CHSY1: variants seen among roughly 807,000 people sequenced by gnomAD.
The protein encoded by CHSY1 is N-acetylgalactosaminyl-proteoglycan 3-beta-glucuronosyltransferase 1.
Under a neutral mutation model 59.8 loss-of-function variants are expected in CHSY1, and 13 were observed. The ratio of observed to expected loss-of-function variants is 0.22; its 90% confidence interval spans 0.14 to 0.35. CHSY1 has a LOEUF of 0.35. Ranked by LOEUF, CHSY1 falls within the 10% of genes least tolerant of loss-of-function variation. The pLI, the probability that CHSY1 is intolerant of heterozygous loss-of-function variation, is 1.00. For missense variants in CHSY1, 947 were observed against 1,030.6 expected (o/e 0.92, Z 1.11); for synonymous variants, 459 against 401.2 (o/e 1.14, Z -1.72).
chr15:101,213,366 C>T (rs2141262105), intron 2 of CHSY1, among the ~76,000 whole-genome samples: 1 of 141,690 alleles, frequency 7.1e-6, no homozygotes, highest in East Asian at 2.7e-4. Context: ...ATCTCTAGAG[C>T]TTACCATTAG....
intron 2 of CHSY1, among the ~76,000 whole-genome samples, chr15:101,225,674 A>G (rs1445140797): frequency 6.6e-6 from 1 of 152,158 alleles, no homozygotes; most frequent in Non-Finnish European, 1.5e-5. Flanking sequence ...ACCATGAGTA[A>G]AAGCTCCCTG....
chr15:101,208,321 A>T (rs1412846076), intron 2 of CHSY1, among the ~76,000 whole-genome samples: 1 of 152,190 alleles, frequency 6.6e-6, no homozygotes, highest in African/African-American at 2.4e-5. Flanking sequence ...TCTTCGAGAG[A>T]TGGCAGACTG....
chr15:101,176,157 C>T lies in CHSY1; in HGVS notation c.*1231G>A, dbSNP rs2038185084. ...CTGCAAATAAAACAGACTAAACACA[C>T]TCCCGATACACATAAATAATACTAA... On this transcript the variant is annotated 3_prime_UTR_variant, in exon 3 of 3. Coordinates refer to ENST00000254190, the MANE Select transcript of CHSY1 (RefSeq NM_014918.5). 2.5e-6 allele frequency: 1 copy of T among 398,104 alleles called. No homozygotes were observed. Among genetic ancestry groups the T allele is most frequent in the African/African-American group, 2.1e-5 (1 of 48,746 alleles). 24.7% of individuals were successfully genotyped at this position (398,104 alleles called of 1,614,324 possible).
intron 2 of CHSY1, among the ~76,000 whole-genome samples, chr15:101,220,196 A>G (rs2141266036): frequency 6.6e-6 from 1 of 152,254 alleles, no homozygotes. Context: ...ACGTAAATCA[A>G]AGTTTCCTCC....
chr15:101,212,077 T>C (rs935031858), intron 2 of CHSY1, among the ~76,000 whole-genome samples: 4 of 152,126 alleles, frequency 2.6e-5, no homozygotes, highest in Admixed American at 2.0e-4. Flanking sequence ...TCACTAGTCA[T>C]AGGGAAAACG....
intron 2 of CHSY1, among the ~76,000 whole-genome samples, chr15:101,223,443 ATATCT>A (rs2038810327): frequency 6.6e-6 from 1 of 152,282 alleles, no homozygotes; most frequent in Non-Finnish European, 1.5e-5. Context: ...ATGCTTTAAA[ATATCT>A]TATAGTTTTA....
At chr15:101,224,259 A>G (rs1233798156) in intron 2 of CHSY1, among the ~76,000 whole-genome samples, 2 of 152,252 alleles carry the variant, frequency 1.3e-5, no homozygotes, top group Admixed American at 6.5e-5. Context: ...ACTCATTGCC[A>G]GTAACATGGC....
intron 2 of CHSY1, among the ~76,000 whole-genome samples, chr15:101,231,940 T>A (rs1180930125): frequency 1.3e-5 from 2 of 152,216 alleles, no homozygotes. Context: ...TCCTCCCAGC[T>A]CTTCCCCAGC....
intron 2 of CHSY1, among the ~76,000 whole-genome samples, chr15:101,193,781 G>A (rs1336090039): frequency 1.3e-5 from 2 of 152,190 alleles, no homozygotes; most frequent in East Asian, 3.9e-4. Flanking sequence ...AGGAAGACAC[G>A]CTGGGGATAG....
At chr15:101,197,898 C>T (rs1245112992) in intron 2 of CHSY1, among the ~76,000 whole-genome samples, 1 of 152,060 alleles carries the variant, frequency 6.6e-6, no homozygotes, top group Non-Finnish European at 1.5e-5. Flanking sequence ...ATTTGGACGC[C>T]TTATATCTGA....
intron 2 of CHSY1, among the ~76,000 whole-genome samples, chr15:101,196,053 A>T (rs973733511): frequency 2.0e-5 from 3 of 152,094 alleles, no homozygotes; most frequent in African/African-American, 7.2e-5. Context: ...GTTCGAGATC[A>T]GCTTGGCTAA....
At chr15:101,193,688 G>A (rs1354592096) in intron 2 of CHSY1, among the ~76,000 whole-genome samples, 1 of 152,194 alleles carries the variant, frequency 6.6e-6, no homozygotes, top group Admixed American at 6.5e-5. Flanking sequence ...CCCAAATTTG[G>A]GTCAGATAAT....
intron 1 of CHSY1, among the ~76,000 whole-genome samples, chr15:101,236,222 G>A (rs1452542942): frequency 6.6e-6 from 1 of 152,178 alleles, no homozygotes; most frequent in Non-Finnish European, 1.5e-5. Flanking sequence ...CTGTCATGAG[G>A]CGAGGAAGAA....
intron 2 of CHSY1, among the ~76,000 whole-genome samples, chr15:101,228,313 C>T (rs1350887936): frequency 6.6e-6 from 1 of 151,868 alleles, no homozygotes; most frequent in African/African-American, 2.4e-5. Flanking sequence ...GGCAGAAATA[C>T]TCAAGAAATA....
In CHSY1 at chr15:101,251,666, G is replaced by T. The variant is rs952520142; in HGVS notation, c.-210C>A. The T allele has an allele frequency of 1.4e-5, 2 of 147,168 alleles. No individual in the cohort carries two copies. The highest frequency in any genetic ancestry group is 1.3e-4 in the Admixed American group (2 of 14,834). The allele number at this position is 147,168 out of a possible 1,614,324, so 9.1% of individuals were successfully genotyped here. A position where few individuals can be genotyped will look rare whatever the true frequency, so the allele number is the denominator to read the frequency against. ...TTTGTTCCGCACGCCCGCCCCCGCCGCCGCGGCCTGCGCCTTTAAGAGGGG... is the reference window on the plus strand; with the variant it reads ...TTTGTTCCGCACGCCCGCCCCCGCCTCCGCGGCCTGCGCCTTTAAGAGGGG... On this transcript the variant is annotated 5_prime_UTR_variant, in exon 1 of 3. Transcript: ENST00000254190.
intron 2 of CHSY1, among the ~76,000 whole-genome samples, chr15:101,215,207 T>C (rs1050346334): frequency 7.2e-5 from 11 of 152,296 alleles, no homozygotes; most frequent in South Asian, 2.1e-4. Context: ...TTTATAGCAA[T>C]GTGAGAACCA....
intron 1 of CHSY1, among the ~76,000 whole-genome samples, chr15:101,249,697 T>C (rs952909168): frequency 4.7e-4 from 71 of 151,940 alleles, no homozygotes; most frequent in Admixed American, 4.5e-3. Flanking sequence ...TACTCTTGAG[T>C]AGAGACGGGG....
intron 2 of CHSY1, among the ~76,000 whole-genome samples, chr15:101,180,802 T>A (rs1226195480): frequency 6.6e-6 from 1 of 152,154 alleles, no homozygotes; most frequent in Non-Finnish European, 1.5e-5. Context: ...CGTTAACTTA[T>A]CTCTCTTTTT....
intron 2 of CHSY1, among the ~76,000 whole-genome samples, chr15:101,182,053 T>A (rs1247875994): frequency 1.3e-5 from 2 of 152,214 alleles, no homozygotes; most frequent in African/African-American, 4.8e-5. Flanking sequence ...TGAGTTTACA[T>A]TGTCTGTTTA....
Sources: gnomAD v4.1 joint callset for allele counts (sites outside exome capture counted in the v4.1 genomes callset) on GRCh38, gnomAD v4.1.1 for gene constraint, MANE v1.5 for transcripts, NCBI Gene and HGNC (gene_info 2026-07-23, HGNC 2026-07-21) for gene names.